Variants in PCNX3 observed in about 807,000 individuals in gnomAD.
PCNX3 encodes the protein pecanex-like protein 3.
Under a neutral mutation model 207.2 loss-of-function variants are expected in PCNX3, and 58 were observed. The ratio of observed to expected loss-of-function variants is 0.28; its 90% CI spans 0.23 to 0.35. The LOEUF is 0.35. PCNX3 is among the 10% of genes least tolerant of loss of function. The pLI is 1.00. For synonymous variants in PCNX3, 1,337 were observed against 1,183.5 expected, an observed-to-expected ratio of 1.13 and a Z score of -2.66; for missense variants, 2,410 against 2,774.4, an observed-to-expected ratio of 0.87 and a Z score of 2.95.
intron 6 of PCNX3, 33 bp from the exon 7 acceptor site, chr11:65,619,504 G>T (rs371426460): frequency 6.2e-7 from 1 of 1,606,450 alleles, no homozygotes; most frequent in Non-Finnish European, 8.5e-7. Context: ...CTGAGCATCT[G>T]TCACTTACAC....
At position 65,618,328 on chromosome 11, in the gene PCNX3, T is replaced by C. The variant is rs757790298; in HGVS notation, c.966T>C (p.His322=). The C allele has an allele frequency of 9.9e-6, 16 of 1,611,254 alleles. No homozygotes were observed. The highest frequency in any genetic ancestry group is 5.5e-5 in the South Asian group (5 of 91,058). Residue 322 remains histidine, a synonymous_variant, in exon 6 of 35, where the codon CAT becomes CAC. Coordinates refer to ENST00000355703, the MANE Select transcript of PCNX3 (RefSeq NM_032223.4). The part of the protein sequence containing the change: ...SFKSEKTNST[H]LDSPPGGPAP... ...AGAGTGAGAAGACCAACTCCACCCA[T>C]CTGGACAGCCCCCCAGGGGGGCCAG...
In PCNX3 at chr11:65,627,360, C is replaced by T. The variant is rs768267597; in HGVS notation, c.3525-45C>T. 8 of 1,583,472 alleles carry T rather than the reference C, an allele frequency of 5.1e-6. No individual in the cohort carries two copies. The South Asian group carries it at 6.8e-5, about 13-fold the overall frequency. On this transcript the variant is annotated intron_variant, in intron 21 of 34. Coordinates refer to ENST00000355703, the MANE Select transcript of PCNX3 (RefSeq NM_032223.4). Reference sequence around the variant, plus strand: ...AGGGATGGGACACCTATACCCACTGCCCCGGTCCCCTACCAAGCACCCGAT... The same window carrying T: ...AGGGATGGGACACCTATACCCACTGTCCCGGTCCCCTACCAAGCACCCGAT...
In PCNX3 at chr11:65,628,980, G is replaced by T. The variant is rs1209409685; in HGVS notation, c.3941+32G>T. ...CTCACAGGAGGCGGGAGCATGCCCA[G>T]CAGGGCAGGAAGGGAGAGGTTTGGA... On this transcript the variant is annotated intron_variant, in intron 24 of 34. Coordinates refer to ENST00000355703, the MANE Select transcript of PCNX3 (RefSeq NM_032223.4). 4.4e-6 allele frequency: 7 copies of T among 1,606,872 alleles called. No homozygotes were observed. The South Asian group carries it at 6.6e-5, about 15-fold the overall frequency.
Position 65,618,604 on chromosome 11 carries a change from A to T in PCNX3, c.1242A>T (p.Glu414Asp). The change falls in exon 6 of 35, where the codon GAA becomes GAT. Residue 414 changes from glutamate to aspartate, a missense_variant. Around this residue, in one of 8 missense-constraint regions of PCNX3, gnomAD observed 1,104 missense variants for 970.3 expected, o/e 1.14. Coordinates refer to ENST00000355703, the MANE Select transcript of PCNX3 (RefSeq NM_032223.4). The part of the protein sequence containing the change: ...PGRAPRRPLL[E>D]GGGFFEDEDT... ...GTGCCCCTCGACGGCCCCTGCTTGA[A>T]GGTGGGGGCTTCTTTGAGGATGAAG... 4 of 1,612,506 alleles carry T rather than the reference A, an allele frequency of 2.5e-6. No individual in the cohort carries two copies. The highest frequency in any genetic ancestry group is 3.4e-6 in the Non-Finnish European group (4 of 1,179,770).
At position 65,635,423 on chromosome 11, in the gene PCNX3, G is replaced by A. The variant is rs1855791367; in HGVS notation, c.5159G>A (p.Arg1720His). ...TACAAGATCATCATGCTCAACCGGC[G>A]CCACCTCAGCTTCCGAGTCATCAAG... ...DEYKIIMLNR[R>H]HLSFRVIKVN... is the part of the protein sequence containing the mutation. The change falls in exon 31 of 35, where the codon CGC becomes CAC. Residue 1720 changes from arginine (R) to histidine (H), a missense_variant. Arg to His is a conservative substitution (Grantham distance 29). Around this residue, in one of 8 missense-constraint regions of PCNX3, gnomAD observed 420 missense variants for 705.3 expected, o/e 0.60. Coordinates refer to ENST00000355703, the MANE Select transcript of PCNX3 (RefSeq NM_032223.4). The surrounding 1 kb of genome is among the most constrained non-coding windows in gnomAD (Gnocchi z 9.9). 8.1e-6 allele frequency: 13 copies of A among 1,611,212 alleles called. No homozygotes were observed. Among genetic ancestry groups the A allele is most frequent in the African/African-American group, 1.3e-5 (1 of 74,844 alleles).
intron 21 of PCNX3, 30 bp from the exon 22 acceptor site, chr11:65,627,375 A>G (rs1590891921): frequency 6.3e-7 from 1 of 1,598,862 alleles, no homozygotes; most frequent in East Asian, 2.2e-5. Flanking sequence ...GTCCCCTACC[A>G]AGCACCCGAT....
In PCNX3 at chr11:65,616,144, C is replaced by T. The variant is rs1049346411; in HGVS notation, c.-168C>T. 1.4e-5 allele frequency: 6 copies of T among 427,670 alleles called. No individual in the cohort carries two copies. The highest frequency in any genetic ancestry group is 9.2e-5 in the Admixed American group (2 of 21,648). 26.5% of individuals were successfully genotyped at this position (427,670 alleles called of 1,614,324 possible). A position where few individuals can be genotyped will look rare whatever the true frequency, so the allele number is the denominator to read the frequency against. ...CACTGACTGTCCCGGCCGGCCCCGC[C>T]CCCTGCTCGCACCCTCGCGCGGCCG... On this transcript the variant is annotated 5_prime_UTR_variant, in exon 1 of 35. Coordinates refer to ENST00000355703, the MANE Select transcript of PCNX3 (RefSeq NM_032223.4).
In PCNX3 at chr11:65,616,201, C is replaced by T. The variant is rs948523828; in HGVS notation, c.-111C>T. The stretch of plus-strand genomic sequence containing the variant: ...CCTCCCCCGCTGGGGGAGGCCATGG[C>T]GTGAGCGTGAGGCCGGGCCCCGGGG... On this transcript the variant is annotated 5_prime_UTR_variant, in exon 1 of 35. Transcript: ENST00000355703. 4 of 862,692 alleles carry T rather than the reference C, an allele frequency of 4.6e-6. No homozygotes were observed. Among genetic ancestry groups the T allele is most frequent in the East Asian group, 3.4e-5 (1 of 29,748 alleles). The allele number at this position is 862,692 out of a possible 1,614,324, so 53.4% of individuals were successfully genotyped here.
Position 65,629,575 on chromosome 11 carries a change from G to T in PCNX3, c.4056G>T (p.Leu1352=). The T allele has an allele frequency of 6.2e-7, 1 of 1,613,520 alleles. No individual in the cohort carries two copies. ...SIFYEHLTRS[L]QHTLCGDLVL... is the part of the protein sequence containing the mutation. The stretch of plus-strand genomic sequence containing the variant: ...TCTATGAGCACTTGACACGTTCGCT[G>T]CAGCACACACTGTGTGGGGACCTGG... Residue 1352 remains leucine, a synonymous_variant, in exon 26 of 35, where the codon CTG becomes CTT. Transcript: ENST00000355703.
rs751704027 is a variant in PCNX3, at chr11:65,636,588, GGCCC to G, written c.5792_5795del (p.Gly1931AlafsTer36). The stretch of plus-strand genomic sequence containing the variant: ...TGGCCCGGGTCTCCTCAGTTCTGAG[GGCCC>G]CAGTGGAAAGTGGAGCCTGGGGGGC... On this transcript the variant is annotated frameshift_variant, in exon 34 of 35. Transcript: ENST00000355703. LOFTEE classifies it high-confidence loss of function. The G allele has an allele frequency of 1.9e-6, 3 of 1,592,670 alleles. No individual in the cohort carries two copies. The Admixed American group carries it at 5.4e-5, about 29-fold the overall frequency.
intron 12 of PCNX3, 46 bp from the exon 13 acceptor site, chr11:65,623,883 C>G (rs936313434): frequency 6.8e-6 from 11 of 1,611,788 alleles, no homozygotes; most frequent in Non-Finnish European, 9.3e-6. Flanking sequence ...TCTGACCATC[C>G]CGTGGGCATC....
rs1398335725 is a variant in PCNX3 at position 65,634,576 on chromosome 11, G to A, written c.4740G>A (p.Leu1580=). The A allele has an allele frequency of 3.7e-6, 6 of 1,604,976 alleles. No homozygotes were observed. The Admixed American group carries it at 1.0e-4, about 27-fold the overall frequency. Reference sequence around the variant, plus strand: ...ATTGGAACTCCCCGCTGGTCACGCTGTGTTTTGGCCTGTGTGTGCTGGGCC... The same window carrying A: ...ATTGGAACTCCCCGCTGGTCACGCTATGTTTTGGCCTGTGTGTGCTGGGCC... The part of the protein sequence containing the change: ...DQDWNSPLVT[L]CFGLCVLGRR... Residue 1580 remains leucine (L), a synonymous_variant, in exon 29 of 35, where the codon CTG becomes CTA. Transcript: ENST00000355703.
At chr11:65,620,751 C>CTGGCCT in intron 9 of PCNX3, 80 bp from the exon 10 acceptor site, 4 of 1,538,094 alleles carry the variant, frequency 2.6e-6, no homozygotes, top group Non-Finnish European at 2.6e-6. Flanking sequence ...CCCTACCTGC[C>CTGGCCT]TGGCCTTGGC....
Position 65,620,913 on chromosome 11 carries a change from C to A in PCNX3, c.2182C>A (p.Pro728Thr). 1 of 1,563,576 alleles carries A rather than the reference C, an allele frequency of 6.4e-7. No individual in the cohort carries two copies. The highest frequency in any genetic ancestry group is 8.7e-7 in the Non-Finnish European group (1 of 1,154,686). Residue 728 changes from proline (P) to threonine (T), a missense_variant, in exon 10 of 35, where the codon CCT (proline) becomes ACT (threonine). By Grantham distance (38) the Pro-to-Thr change is conservative (BLOSUM62 -1). Transcript: ENST00000355703. ...CGGCCTGAACCTGCTGCAGCCGAGG[C>A]CTGTGGTTCTGCAGGGCATGCAGGT... is the stretch of plus-strand genomic sequence containing the variant. Reference protein sequence around the residue: ...TGGLNLLQPRPVVLQGMQVRR... With the variant: ...TGGLNLLQPRTVVLQGMQVRR...
chr11:65,623,748 T>C, intron 12 of PCNX3, 104 bp downstream of exon 12: 7 of 1,537,462 alleles, frequency 4.6e-6, no homozygotes, highest in Non-Finnish European at 5.3e-6. Flanking sequence ...GTAGATAATT[T>C]GTCTAAGGTT....
rs1855747057 is a variant in PCNX3, at chr11:65,634,535, C to T, written c.4702-3C>T. ...CTCTGGGATGGGGGTCCTTATGCCA[C>T]AGCCCGTGGACCAGGATTGGAACTC... is the stretch of plus-strand genomic sequence containing the variant. On this transcript the variant is annotated splice_region_variant and splice_polypyrimidine_tract_variant and intron_variant, in intron 28 of 34. Coordinates refer to ENST00000355703, the MANE Select transcript of PCNX3 (RefSeq NM_032223.4). 3 of 1,586,540 alleles carry T rather than the reference C, an allele frequency of 1.9e-6. No individual in the cohort carries two copies. The highest frequency in any genetic ancestry group is 1.3e-5 in the African/African-American group (1 of 74,686).
chr11:65,626,150 A>T, intron 20 of PCNX3, 96 bp downstream of exon 20: 4 of 1,478,800 alleles, frequency 2.7e-6, no homozygotes, highest in Non-Finnish European at 2.7e-6. Flanking sequence ...GAGTGCCAGC[A>T]GGGGGCACTC....
intron 10 of PCNX3, among the ~76,000 whole-genome samples, chr11:65,621,390 C>T (rs933584131): frequency 2.6e-5 from 4 of 152,326 alleles, no homozygotes; most frequent in South Asian, 4.1e-4. Context: ...TCATTACCAG[C>T]GCTCTGTCAC....
Position 65,634,190 on chromosome 11 carries a change from C to T in PCNX3, c.4535C>T (p.Thr1512Met), listed in dbSNP as rs376991022. ...GTGTGGCTCAGCCATGAGGGCATCACGGCAGCCCTGAGGCCTGTGCGGGTG... is the reference window on the plus strand; with the variant it reads ...GTGTGGCTCAGCCATGAGGGCATCATGGCAGCCCTGAGGCCTGTGCGGGTG... Reference protein sequence around the residue: ...LEVWLSHEGITAALRPVRVPG... With the variant: ...LEVWLSHEGIMAALRPVRVPG... Residue 1512 changes from threonine to methionine, a missense_variant, in exon 28 of 35, where the codon ACG becomes ATG. Around this residue, in one of 8 missense-constraint regions of PCNX3, gnomAD observed 420 missense variants for 705.3 expected, o/e 0.60. Coordinates refer to ENST00000355703, the MANE Select transcript of PCNX3 (RefSeq NM_032223.4). 3.3e-5 allele frequency: 54 copies of T among 1,613,430 alleles called. 1 individual carries two copies. The highest frequency in any genetic ancestry group is 2.0e-4 in the Admixed American group (12 of 59,992).
Sources: allele counts gnomAD v4.1 joint callset (sites outside exome capture counted in the v4.1 genomes callset), GRCh38; gene constraint gnomAD v4.1.1; regional missense constraint gnomAD v4.1.1; non-coding constraint Gnocchi (gnomAD v3.1); transcripts MANE v1.5; gene names NCBI Gene and HGNC (gene_info 2026-07-23, HGNC 2026-07-21).